FBXO42: variants seen among roughly 807,000 people sequenced by gnomAD.
FBXO42 encodes F-box protein 42.
In FBXO42, 12 loss-of-function variants were observed where a neutral mutation model predicts 71.7. The ratio of observed to expected loss-of-function variants is 0.17; its 90% confidence interval spans 0.11 to 0.27. The LOEUF is 0.27. Among genes scored for constraint, FBXO42 ranks in the 10% least tolerant of loss-of-function variants. The probability of loss-of-function intolerance (pLI) is 1.00; values close to 1 mark genes in which losing one functional copy is unlikely to be tolerated. For missense variants in FBXO42, 707 were observed against 911.9 expected, an observed-to-expected ratio of 0.78 and a Z score of 2.89; for synonymous variants, 325 against 327.5, an observed-to-expected ratio of 0.99 and a Z score of 0.08.
chr1:16,349,035 A>G (rs927202079), intron 1 of FBXO42, among the ~76,000 whole-genome samples: 2 of 152,204 alleles, frequency 1.3e-5, no homozygotes, highest in African/African-American at 4.8e-5. Flanking sequence ...ACTCATATAG[A>G]AAGGTTTTCC....
rs1553151795 is a variant in FBXO42, at chr1:16,288,452, A to AAT, written c.502+6330_502+6331insAT. 7.5e-3 allele frequency among the ~76,000 whole-genome samples: 1,058 copies of AAT among 140,452 alleles called. 11 individuals are homozygous for AAT. Among genetic ancestry groups the AAT allele is most frequent in the African/African-American group, 0.022 (799 of 36,036 alleles). 92.1% of individuals were successfully genotyped at this position (140,452 alleles called of 152,430 possible). A position where few individuals can be genotyped will look rare whatever the true frequency, so the allele number is the denominator to read the frequency against. ...TCAAAAAAAATAAAAATAAAAATAAAAATAATAATAATAATAATAAACAAA... is the reference window on the plus strand; with the variant it reads ...TCAAAAAAAATAAAAATAAAAATAAAATAATAATAATAATAATAATAAACAAA... On this transcript the variant is annotated intron_variant, in intron 4 of 9. Coordinates refer to ENST00000375592, the MANE Select transcript of FBXO42 (RefSeq NM_018994.3).
intron 1 of FBXO42, among the ~76,000 whole-genome samples, chr1:16,333,444 C>T (rs938881391): frequency 7.2e-6 from 1 of 138,428 alleles, no homozygotes; most frequent in East Asian, 2.2e-4. Context: ...AGACCCCCCC[C>T]CCCCATTTCC....
chr1:16,287,799 C>T (rs2082036962), intron 4 of FBXO42, among the ~76,000 whole-genome samples: 3 of 151,952 alleles, frequency 2.0e-5, no homozygotes, highest in African/African-American at 7.2e-5. Context: ...GTGTCAAACT[C>T]TCGGCCAGGC....
At chr1:16,302,579 A>G (rs925443917) in intron 3 of FBXO42, among the ~76,000 whole-genome samples, 1 of 152,088 alleles carries the variant, frequency 6.6e-6, no homozygotes, top group African/African-American at 2.4e-5. Flanking sequence ...GTGCAATCTC[A>G]GCTCACTGCA....
chr1:16,322,387 C>A (rs1485523616), intron 1 of FBXO42, among the ~76,000 whole-genome samples: 2 of 152,104 alleles, frequency 1.3e-5, no homozygotes, highest in Non-Finnish European at 2.9e-5. Flanking sequence ...ACCAGCCTGA[C>A]CAACATGGGG....
chr1:16,292,780 C>T (rs1323067953), intron 4 of FBXO42: 1 of 152,170 alleles, frequency 6.6e-6, no homozygotes, highest in East Asian at 1.9e-4. Context: ...AAAATAAAGA[C>T]AGTAATAGTA....
Position 16,253,681 on chromosome 1 carries a change from G to T in FBXO42, c.818C>A (p.Pro273Gln). 1 of 1,614,152 alleles carries T rather than the reference G, an allele frequency of 6.2e-7. No homozygotes were observed. Among genetic ancestry groups the T allele is most frequent in the Non-Finnish European group, 8.5e-7 (1 of 1,180,018 alleles). ...LDLEQWAWSK[P>Q]NISGPSPHPR... ...ATGAGGACTGGGGCCAGAGATGTTC[G>T]GCTTGGACCACGCCCACTGCTCAAG... The change falls in exon 7 of 10, where the codon CCG becomes CAG. Residue 273 changes from proline (P) to glutamine (Q), a missense_variant. Physicochemically the swap from Pro to Gln is moderately conservative, Grantham distance 76. This residue lies in a region of FBXO42 where 482 missense variants were observed against 587.1 expected (regional missense o/e 0.82). Transcript: ENST00000375592.
chr1:16,274,367 TAGAAGTC>T (rs1056122538), intron 4 of FBXO42, among the ~76,000 whole-genome samples: 4 of 151,860 alleles, frequency 2.6e-5, no homozygotes, highest in African/African-American at 9.7e-5. Flanking sequence ...GCCACAGTGT[TAGAAGTC>T]AGAATAGGAG....
rs2081585364 is a variant in FBXO42 at position 16,250,981 on chromosome 1, G to A, written c.1843C>T (p.Pro615Ser). The A allele has an allele frequency of 6.2e-7, 1 of 1,614,210 alleles. No individual in the cohort carries two copies. The highest frequency in any genetic ancestry group is 8.5e-7 in the Non-Finnish European group (1 of 1,180,036). ...TGGCCCAGGCGGCGAGCAATGGGAG[G>A]TAAGGAATGTCCATCTCCTTGGGCA... ...GPAQGDGHSLPPIARRLGHHP... is the reference protein window; with the variant it reads ...GPAQGDGHSLSPIARRLGHHP... The change falls in exon 10 of 10, where the codon CCT becomes TCT. Residue 615 changes from proline to serine, a missense_variant. By Grantham distance (74) the Pro-to-Ser change is moderately conservative (BLOSUM62 -1). Transcript: ENST00000375592. The surrounding 1 kb of genome is among the most constrained non-coding windows in gnomAD (Gnocchi z 4.7).
intron 4 of FBXO42, among the ~76,000 whole-genome samples, chr1:16,274,587 C>G (rs2081879365): frequency 1.8e-5 from 1 of 55,734 alleles, no homozygotes; most frequent in South Asian, 6.8e-4. Context: ...ATTATGCCCC[C>G]GTTTTTTTTT....
chr1:16,275,665 C>G (rs1569845494), intron 4 of FBXO42, among the ~76,000 whole-genome samples: 1 of 152,202 alleles, frequency 6.6e-6, no homozygotes, highest in East Asian at 1.9e-4. Context: ...AGCCATAGTT[C>G]AAGAGTTCAT....
chr1:16,255,890 G>T, intron 5 of FBXO42, 69 bp from the exon 6 acceptor site: 2 of 1,065,594 alleles, frequency 1.9e-6, no homozygotes, highest in Non-Finnish European at 2.8e-6. Flanking sequence ...TAGTAAGTAG[G>T]CATCCATTTA....
At chr1:16,256,496 C>T in intron 5 of FBXO42, 110 bp downstream of exon 5, 1 of 1,184,508 alleles carries the variant, frequency 8.4e-7, no homozygotes, top group Non-Finnish European at 1.2e-6. Context: ...GGAAAAGAGT[C>T]CACAGCTTTC....
intron 4 of FBXO42, among the ~76,000 whole-genome samples, chr1:16,276,379 C>CAAAAAAAAAAA (rs34711223): frequency 1.0e-5 from 1 of 97,384 alleles, no homozygotes; most frequent in Non-Finnish European, 2.1e-5. Flanking sequence ...CACTCTGTCT[C>CAAAAAAAAAAA]AAAAAAAAAA....
intron 3 of FBXO42, among the ~76,000 whole-genome samples, chr1:16,296,066 C>T (rs181382484): frequency 5.3e-5 from 8 of 152,190 alleles, no homozygotes; most frequent in African/African-American, 1.9e-4. Context: ...GGGCTGTTAC[C>T]CAAAAACTAC....
intron 4 of FBXO42, among the ~76,000 whole-genome samples, chr1:16,259,653 C>T (rs190063524): frequency 1.3e-5 from 2 of 151,616 alleles, no homozygotes; most frequent in East Asian, 3.9e-4. Context: ...GTAATTCCAG[C>T]TACTCAGGAG....
intron 1 of FBXO42, among the ~76,000 whole-genome samples, chr1:16,344,486 CTTT>C (rs59077549): frequency 6.9e-5 from 6 of 87,148 alleles, no homozygotes; most frequent in Admixed American, 1.4e-4. Flanking sequence ...ACCCAGCTAA[CTTT>C]TTTTTTTTTT....
chr1:16,284,142 C>T (rs558195157), intron 4 of FBXO42, among the ~76,000 whole-genome samples: 6 of 152,308 alleles, frequency 3.9e-5, no homozygotes, highest in African/African-American at 1.4e-4. Context: ...TAAGGTGTTA[C>T]CTTCAGACAA....
intron 4 of FBXO42, among the ~76,000 whole-genome samples, chr1:16,291,825 T>A (rs898790494): frequency 2.0e-5 from 3 of 151,956 alleles, no homozygotes; most frequent in African/African-American, 7.3e-5. Context: ...GCACATGCCA[T>A]CATGCCCGGC....
Sources: gnomAD v4.1 joint callset for allele counts (sites outside exome capture counted in the v4.1 genomes callset) on GRCh38, gnomAD v4.1.1 for gene constraint, gnomAD v4.1.1 regional missense constraint, Gnocchi (gnomAD v3.1) non-coding constraint, MANE v1.5 for transcripts, NCBI Gene and HGNC (gene_info 2026-07-23, HGNC 2026-07-21) for gene names.